AIG1: variants seen among roughly 807,000 people sequenced by gnomAD.
The protein encoded by AIG1 is androgen-induced gene 1 protein.
In AIG1, 23 loss-of-function variants were observed where a neutral mutation model predicts 31.4. The observed-to-expected ratio is 0.73, with a 90% confidence interval of 0.53 to 1.04. The LOEUF (loss-of-function observed/expected upper bound fraction) is 1.04, where lower values mean the gene tolerates loss of function less well. Among genes scored for constraint, AIG1 ranks in the 50% least tolerant of loss-of-function variants. The probability of loss-of-function intolerance (pLI) is 0.00; values close to 1 mark genes in which losing one functional copy is unlikely to be tolerated. For synonymous variants in AIG1, 100 were observed against 110.5 expected (o/e 0.90, Z 0.60); for missense variants, 274 against 295.0 (o/e 0.93, Z 0.52).
intron 1 of AIG1, among the ~76,000 whole-genome samples, chr6:143,124,107 C>T (rs1224702771): frequency 2.0e-5 from 3 of 152,350 alleles, no homozygotes; most frequent in South Asian, 4.1e-4. Flanking sequence ...TGGTGAATTA[C>T]ATGCTATCAT....
intron 1 of AIG1, among the ~76,000 whole-genome samples, chr6:143,097,840 A>C (rs751521986): frequency 2.6e-5 from 4 of 152,096 alleles, no homozygotes; most frequent in African/African-American, 9.7e-5. Context: ...AACCACCTCC[A>C]CTTGAAACTC....
intron 4 of AIG1, among the ~76,000 whole-genome samples, chr6:143,322,389 G>C (rs947986381): frequency 1.3e-5 from 2 of 152,162 alleles, no homozygotes; most frequent in East Asian, 3.8e-4. Flanking sequence ...CAGTTCTGCC[G>C]TGTTTTGATG....
Position 143,131,588 on chromosome 6 carries a change from C to T in AIG1, c.142-5247C>T, listed in dbSNP as rs554485932. On this transcript the variant is annotated intron_variant, in intron 1 of 5. Transcript: ENST00000357847. ...TGCTGGCTTTGAAGATGGAAGGGACCATGTACAAGGACTGGAGAACAGACA... is the reference window on the plus strand; with the variant it reads ...TGCTGGCTTTGAAGATGGAAGGGACTATGTACAAGGACTGGAGAACAGACA... Among the ~76,000 whole-genome samples the T allele has an allele frequency of 2.2e-4, 33 of 152,240 alleles. 1 individual carries two copies. The highest frequency in any genetic ancestry group is 3.4e-3 in the Middle Eastern group (1 of 294).
chr6:143,289,435 A>T (rs1797903828), intron 4 of AIG1, among the ~76,000 whole-genome samples: 1 of 152,130 alleles, frequency 6.6e-6, no homozygotes. Context: ...AGGCATGTCT[A>T]ACCTGCCTTC....
intron 3 of AIG1, among the ~76,000 whole-genome samples, chr6:143,208,297 T>C (rs1791286799): frequency 6.6e-6 from 1 of 152,208 alleles, no homozygotes; most frequent in African/African-American, 2.4e-5. Context: ...ACTTAGCAAC[T>C]TGTGGCCACA....
intron 3 of AIG1, chr6:143,190,487 AT>A: frequency 1.0e-6 from 1 of 985,358 alleles, no homozygotes. Flanking sequence ...ATCAGACAAT[AT>A]CTTCACTTTT....
At chr6:143,217,681 G>C (rs555700823) in intron 3 of AIG1, among the ~76,000 whole-genome samples, 189 of 152,136 alleles carry the variant, frequency 1.2e-3, no homozygotes, top group African/African-American at 4.4e-3. Flanking sequence ...GCTAAGTTTT[G>C]TATTTTTAGT....
At position 143,061,033 on chromosome 6, in the gene AIG1, A is replaced by G. The variant is rs769975330; in HGVS notation, c.108A>G (p.Gly36=). 1.1e-5 allele frequency: 17 copies of G among 1,613,010 alleles called. No homozygotes were observed. In the East Asian group the frequency reaches 3.4e-4, roughly 32 times the overall value. ...AAATGCCCTCACACCAGACCTACGG[A>G]GGGAGCTGGAAATTCCTGACGTTCA... ...AIEMPSHQTY[G]GSWKFLTFID... Residue 36 remains glycine (G), a synonymous_variant, in exon 1 of 6, where the codon GGA becomes GGG. Coordinates refer to ENST00000357847, the MANE Select transcript of AIG1 (RefSeq NM_016108.4).
intron 3 of AIG1, chr6:143,186,873 C>G: frequency 6.2e-6 from 1 of 161,096 alleles, no homozygotes; most frequent in Non-Finnish European, 1.4e-5. Context: ...GTACTGAGCT[C>G]TACTCATAGG....
intron 2 of AIG1, among the ~76,000 whole-genome samples, chr6:143,155,671 A>G (rs1220692240): frequency 6.6e-6 from 1 of 152,172 alleles, no homozygotes; most frequent in Non-Finnish European, 1.5e-5. Context: ...AGATTTTGAA[A>G]TGGGTTGTTT....
chr6:143,239,553 A>G (rs1194299882), intron 3 of AIG1, among the ~76,000 whole-genome samples: 1 of 152,166 alleles, frequency 6.6e-6, no homozygotes, highest in African/African-American at 2.4e-5. Context: ...CATGTGTTCT[A>G]TCTCCCACCT....
At chr6:143,094,808 A>G (rs1779608284) in intron 1 of AIG1, among the ~76,000 whole-genome samples, 1 of 152,232 alleles carries the variant, frequency 6.6e-6, no homozygotes, top group African/African-American at 2.4e-5. Flanking sequence ...AAGGAAATAT[A>G]TATCATCCTG....
chr6:143,158,778 G>C (rs910340045), intron 2 of AIG1, among the ~76,000 whole-genome samples: 1 of 152,200 alleles, frequency 6.6e-6, no homozygotes, highest in Non-Finnish European at 1.5e-5. Context: ...AGGAATTTTA[G>C]GTCGATAGGA....
chr6:143,183,189 A>G (rs562805399), intron 3 of AIG1, among the ~76,000 whole-genome samples: 46 of 148,790 alleles, frequency 3.1e-4, no homozygotes, highest in African/African-American at 1.1e-3. Context: ...AAATAATCGG[A>G]CAATGGCTTT....
In AIG1 at chr6:143,327,023, C is replaced by A. The variant is rs920564409; in HGVS notation, c.516-6259C>A. Among the ~76,000 whole-genome samples, 2 of 152,126 alleles carry A rather than the reference C, an allele frequency of 1.3e-5. No homozygotes were observed. The highest frequency in any genetic ancestry group is 1.3e-4 in the Admixed American group (2 of 15,278). On this transcript the variant is annotated intron_variant, in intron 4 of 5. Coordinates refer to ENST00000357847, the MANE Select transcript of AIG1 (RefSeq NM_016108.4). The surrounding 1 kb of genome is among the most constrained non-coding windows in gnomAD (Gnocchi z 5.3). Reference sequence around the variant, plus strand: ...GTTGAAAGCAGGGATATGGTGTGTTCATACTTCTGGTTTGGAAAGATCACT... The same window carrying A: ...GTTGAAAGCAGGGATATGGTGTGTTAATACTTCTGGTTTGGAAAGATCACT...
intron 3 of AIG1, among the ~76,000 whole-genome samples, chr6:143,277,348 C>A (rs1797010238): frequency 6.6e-6 from 1 of 152,070 alleles, no homozygotes; most frequent in Non-Finnish European, 1.5e-5. Flanking sequence ...ACTTATTGGA[C>A]CTCCTAGGAA....
At position 143,335,174 on chromosome 6, in the gene AIG1, T is replaced by C. The variant is rs1777379754; in HGVS notation, c.679+1729T>C. ...TCACAAACTGCTGGCCTCCCCCAAC[T>C]TCTACCTATCAAGTTCTGTTAGGCC... On this transcript the variant is annotated intron_variant, in intron 5 of 5. Coordinates refer to ENST00000357847, the MANE Select transcript of AIG1 (RefSeq NM_016108.4). The C allele has an allele frequency of 3.8e-6, 5 of 1,311,300 alleles. No individual in the cohort carries two copies. The East Asian group carries it at 1.5e-4, about 39-fold the overall frequency. The allele number at this position is 1,311,300 out of a possible 1,614,324, so 81.2% of individuals were successfully genotyped here. A position where few individuals can be genotyped will look rare whatever the true frequency, so the allele number is the denominator to read the frequency against.
rs1777694320 is a variant in AIG1 at position 143,338,719 on chromosome 6, A to G, written c.680-920A>G. 6.6e-6 allele frequency: 1 copy of G among 152,226 alleles called. No homozygotes were observed. The highest frequency in any genetic ancestry group is 1.5e-5 in the Non-Finnish European group (1 of 68,040). 9.4% of individuals were successfully genotyped at this position (152,226 alleles called of 1,614,324 possible). On this transcript the variant is annotated intron_variant, in intron 5 of 5. Transcript: ENST00000357847. This position sits in a 1 kb window ranked among gnomAD's most constrained non-coding sequence, Gnocchi z 4.3. The stretch of plus-strand genomic sequence containing the variant: ...TGCAATGAGACACACACACTATGTT[A>G]GGTGCTGGGGAACAAAATAGGGAAG...
At chr6:143,310,294 G>A (rs1775161137) in intron 4 of AIG1, among the ~76,000 whole-genome samples, 1 of 151,860 alleles carries the variant, frequency 6.6e-6, no homozygotes, top group Non-Finnish European at 1.5e-5. Flanking sequence ...TACCAAGTAT[G>A]TTCACAGTCA....
Sources: gnomAD v4.1 joint callset for allele counts (sites outside exome capture counted in the v4.1 genomes callset) on GRCh38, gnomAD v4.1.1 for gene constraint, Gnocchi (gnomAD v3.1) non-coding constraint, MANE v1.5 for transcripts, NCBI Gene and HGNC (gene_info 2026-07-23, HGNC 2026-07-21) for gene names.